Variants in MRS2 observed in about 807,000 individuals in gnomAD.
MRS2 encodes the protein magnesium transporter MRS2.
A neutral mutation model predicts 52.6 loss-of-function variants in MRS2; 40 were observed. That is an observed-to-expected ratio of 0.76 (90% CI 0.59 to 0.99). The LOEUF (loss-of-function observed/expected upper bound fraction) is 0.99, where lower values mean the gene tolerates loss of function less well. MRS2 is among the 50% of genes least tolerant of loss of function. The pLI is 0.00. For synonymous variants in MRS2, 193 were observed against 195.9 expected (o/e 0.98, Z 0.13); for missense variants, 472 against 532.7 (o/e 0.89, Z 1.12).
At chr6:24,416,245 A>C in intron 6 of MRS2, 152 bp from the exon 7 acceptor site, 1 of 502,408 alleles carries the variant, frequency 2.0e-6, no homozygotes, top group Non-Finnish European at 3.5e-6. Flanking sequence ...TTTGCCTGGT[A>C]AATACTCAAC....
chr6:24,406,835 A>T (rs1164498326), intron 2 of MRS2, among the ~76,000 whole-genome samples: 1 of 152,236 alleles, frequency 6.6e-6, no homozygotes, highest in Non-Finnish European at 1.5e-5. Context: ...AGGTGAAATA[A>T]TTGCAAAGAA....
In MRS2 at chr6:24,418,442, T is replaced by C. The variant is rs1445496510; in HGVS notation, c.990-19T>C. 3 of 1,613,786 alleles carry C rather than the reference T, an allele frequency of 1.9e-6. No homozygotes were observed. The highest frequency in any genetic ancestry group is 2.5e-6 in the Non-Finnish European group (3 of 1,179,886). Reference sequence around the variant, plus strand: ...AGTTAGTGGGCCCTTCTAATCTGAATAGGTGTTCTCCTCTCCAGCCACCGA... The same window carrying C: ...AGTTAGTGGGCCCTTCTAATCTGAACAGGTGTTCTCCTCTCCAGCCACCGA... On this transcript the variant is annotated intron_variant, in intron 8 of 10. Transcript: ENST00000378386.
chr6:24,403,394 G>C (rs1392850970), intron 1 of MRS2, among the ~76,000 whole-genome samples, 158 bp downstream of exon 1: 2 of 152,238 alleles, frequency 1.3e-5, no homozygotes, highest in Non-Finnish European at 2.9e-5. Context: ...CGCGGGCCGA[G>C]CTGCGTCCCA....
chr6:24,423,406 A>C, intron 10 of MRS2, 178 bp from the exon 11 acceptor site: 1 of 493,176 alleles, frequency 2.0e-6, no homozygotes, highest in Non-Finnish European at 3.6e-6. Context: ...CGTTCTTAAA[A>C]GATAGAAAAT....
rs1209360758 is a variant in MRS2, at chr6:24,416,271, A to T, written c.720-126A>T. 312 of 395,472 alleles carry T rather than the reference A, an allele frequency of 7.9e-4. No homozygotes were observed. Among genetic ancestry groups the T allele is most frequent in the Middle Eastern group, 2.2e-3 (3 of 1,372 alleles). The allele number at this position is 395,472 out of a possible 1,614,324, so 24.5% of individuals were successfully genotyped here. A position where few individuals can be genotyped will look rare whatever the true frequency, so the allele number is the denominator to read the frequency against. On this transcript the variant is annotated intron_variant, in intron 6 of 10. Coordinates refer to ENST00000378386, the MANE Select transcript of MRS2 (RefSeq NM_020662.4). ...AATACTCAACTTTTTTTTTTTTTTT[A>T]AATAAGTCATTGTTTAGCATGAATG... is the stretch of plus-strand genomic sequence containing the variant.
intron 2 of MRS2, 49 bp downstream of exon 2, chr6:24,405,290 C>T: frequency 1.5e-6 from 2 of 1,332,372 alleles, no homozygotes; most frequent in Middle Eastern, 1.8e-4. Context: ...GCTTCCCATA[C>T]ATAAGTTAAC....
Position 24,405,189 on chromosome 6 carries a change from C to T in MRS2, c.212C>T (p.Thr71Ile), listed in dbSNP as rs545942096. ...TCAGGTGAAGTGCACCGGTTTAGAA[C>T]CTCTGACGTCTCTCAAGCCACTTTA... Reference protein sequence around the residue: ...RVAGEVHRFRTSDVSQATLAS... With the variant: ...RVAGEVHRFRISDVSQATLAS... Residue 71 changes from threonine to isoleucine, a missense_variant, in exon 2 of 11, where the codon ACC (threonine) becomes ATC (isoleucine). Transcript: ENST00000378386. 11 of 1,613,816 alleles carry T rather than the reference C, an allele frequency of 6.8e-6. No individual in the cohort carries two copies. The highest frequency in any genetic ancestry group is 6.7e-5 in the African/African-American group (5 of 75,018).
chr6:24,405,083 C>T, intron 1 of MRS2, 85 bp from the exon 2 acceptor site: 4 of 846,222 alleles, frequency 4.7e-6, no homozygotes. Flanking sequence ...AGTCTGAAGG[C>T]CTCCACATAC....
At chr6:24,405,120 T>C (rs1761418486) in intron 1 of MRS2, 48 bp from the exon 2 acceptor site, 1 of 1,407,436 alleles carries the variant, frequency 7.1e-7, no homozygotes, top group African/African-American at 1.4e-5. Context: ...TAGCTCTATG[T>C]GAAAACCAAT....
chr6:24,412,191 T>G (rs576269644), intron 4 of MRS2, 31 bp from the exon 5 acceptor site: 883 of 1,408,178 alleles, frequency 6.3e-4, no homozygotes, highest in Non-Finnish European at 8.2e-4. Flanking sequence ...ACTCACATAT[T>G]TATATGTTTT....
chr6:24,423,901 C>A lies in MRS2; in HGVS notation c.*207C>A. 3.3e-6 allele frequency: 1 copy of A among 306,794 alleles called. No individual in the cohort carries two copies. The highest frequency in any genetic ancestry group is 6.1e-6 in the Non-Finnish European group (1 of 165,254). The allele number at this position is 306,794 out of a possible 1,614,324, so 19.0% of individuals were successfully genotyped here. On this transcript the variant is annotated 3_prime_UTR_variant, in exon 11 of 11. Transcript: ENST00000378386. ...ACAAAGTATTTGCTTTGTAAAAGGCCAAAATTCTATTTCCTACAAACTTTA... is the reference window on the plus strand; with the variant it reads ...ACAAAGTATTTGCTTTGTAAAAGGCAAAAATTCTATTTCCTACAAACTTTA...
chr6:24,420,333 C>A (rs1762004103), intron 9 of MRS2, among the ~76,000 whole-genome samples: 1 of 152,224 alleles, frequency 6.6e-6, no homozygotes, highest in Non-Finnish European at 1.5e-5. Flanking sequence ...TAATCCTACC[C>A]TTCCATCTGC....
intron 10 of MRS2, 80 bp downstream of exon 10, chr6:24,423,130 T>C (rs1762109053): frequency 8.8e-6 from 10 of 1,139,980 alleles, no homozygotes; most frequent in South Asian, 1.4e-5. Context: ...TGGGATTAAG[T>C]TGTCACAGGC....
rs536557367 is a variant in MRS2, at chr6:24,414,348, GACTCTTAACGAGCAT to G, written c.589-684_589-670del. 3.6e-3 allele frequency among the ~76,000 whole-genome samples: 547 copies of G among 152,018 alleles called. 3 individuals carry two copies. The highest frequency in any genetic ancestry group is 0.013 in the African/African-American group (523 of 41,480). ...GTACTTGAGATTAGGGAGTGGTGAT[GACTCTTAACGAGCAT>G]GCTGCCTTCAAGCATCTGTTTAACA... On this transcript the variant is annotated intron_variant, in intron 5 of 10. Transcript: ENST00000378386.
chr6:24,410,849 G>C, intron 4 of MRS2: 1 of 990,620 alleles, frequency 1.0e-6, no homozygotes. Flanking sequence ...AATCTAACTG[G>C]TGGGTATATG....
intron 5 of MRS2, 35 bp downstream of exon 5, chr6:24,412,430 T>A: frequency 6.8e-7 from 1 of 1,465,646 alleles, no homozygotes; most frequent in Non-Finnish European, 9.1e-7. Flanking sequence ...TTGGGTTTAT[T>A]CTGATTTTGA....
At position 24,412,244 on chromosome 6, in the gene MRS2, C is replaced by T; in HGVS notation, c.437C>T (p.Pro146Leu). 1 of 1,576,080 alleles carries T rather than the reference C, an allele frequency of 6.3e-7. No homozygotes were observed. The highest frequency in any genetic ancestry group is 2.3e-5 in the East Asian group (1 of 43,800). ...CAGTATTTGAAAGCTGTGATAACTC[C>T]AGAGTGTCTTCTGATATTAGATTAT... ...RMEYLKAVIT[P>L]ECLLILDYRN... is the part of the protein sequence containing the mutation. Residue 146 changes from proline (P) to leucine (L), a missense_variant, in exon 5 of 11, where the codon CCA becomes CTA. Transcript: ENST00000378386.
chr6:24,409,440 C>G (rs1225639962), intron 3 of MRS2, 21 bp from the exon 4 acceptor site: 1 of 1,460,942 alleles, frequency 6.8e-7, no homozygotes, highest in South Asian at 1.2e-5. Flanking sequence ...GTTTAGCCCT[C>G]TCTGTTTATT....
At chr6:24,414,908 T>C (rs3761789) in intron 5 of MRS2, 125 bp from the exon 6 acceptor site, 106,384 of 769,830 alleles carry the variant, frequency 0.14, 10,918 homozygotes, top group East Asian at 0.47. Flanking sequence ...GAATTATCTA[T>C]GTTCTGAAAT....
Sources: gnomAD v4.1 joint callset for allele counts (sites outside exome capture counted in the v4.1 genomes callset) on GRCh38, gnomAD v4.1.1 for gene constraint, MANE v1.5 for transcripts, NCBI Gene and HGNC (gene_info 2026-07-23, HGNC 2026-07-21) for gene names.